Variants in PKD1L3 observed in about 807,000 individuals in gnomAD.
PKD1L3 encodes the protein polycystin-1-like protein 3.
In PKD1L3, 239 loss-of-function variants were observed where a neutral mutation model predicts 184.1. That is an observed-to-expected ratio of 1.30 (90% CI 1.17 to 1.45). PKD1L3 has a LOEUF of 1.45. PKD1L3 is among the 40% of genes most tolerant of loss of function. PKD1L3 has a pLI of 0.00. For synonymous variants in PKD1L3, 996 were observed against 778.8 expected, an observed-to-expected ratio of 1.28 and a Z score of -4.64; for missense variants, 2,660 against 2,067.2, an observed-to-expected ratio of 1.29 and a Z score of -5.56.
At chr16:71,994,040 G>T (rs1567556406) in intron 2 of PKD1L3, among the ~76,000 whole-genome samples, 1 of 152,172 alleles carries the variant, frequency 6.6e-6, no homozygotes, top group Non-Finnish European at 1.5e-5. Flanking sequence ...AAAGTGCTAG[G>T]ATTACAGGTG....
At position 71,952,969 on chromosome 16, in the gene PKD1L3, G is replaced by A. The variant is rs1245300577; in HGVS notation, c.2934C>T (p.Pro978=). 6.5e-7 allele frequency: 1 copy of A among 1,550,314 alleles called. No individual in the cohort carries two copies. Among genetic ancestry groups the A allele is most frequent in the Non-Finnish European group, 8.7e-7 (1 of 1,146,470 alleles). The change falls in exon 18 of 30, where the codon CCC becomes CCT. Residue 978 remains proline (P), a synonymous_variant. Transcript: ENST00000620267. ...FPLIEPQETL[P]LFPPIQASCL... ...AGGAGGCCTGGATGGGAGGAAAGAG[G>A]GGCAGAGTCTCCTGTGGCTCAATCA...
rs1189211937 is a variant in PKD1L3 at position 71,953,013 on chromosome 16, T to C, written c.2890A>G (p.Ile964Val). The C allele has an allele frequency of 1.4e-5, 21 of 1,548,832 alleles. No individual in the cohort carries two copies. The East Asian group carries it at 5.2e-4, about 38-fold the overall frequency. Residue 964 changes from isoleucine (I) to valine (V), a missense_variant, in exon 18 of 30, where the codon ATA (isoleucine) becomes GTA (valine). Physicochemically the swap from Ile to Val is conservative, Grantham distance 29. Coordinates refer to ENST00000620267, the MANE Select transcript of PKD1L3 (RefSeq NM_181536.2). ...TCAATCAACGGGAAGAGCCGCCCTA[T>C]GACAAGATTGATTGGGAAGAGGATG... ...AVILFPINLV[I>V]GRLFPLIEPQ...
At position 71,947,585 on chromosome 16, in the gene PKD1L3, A is replaced by C. The variant is rs866446378; in HGVS notation, c.3625T>G (p.Phe1209Val). ...IFISQPVKVV[F>V]FTFLYSLMMS... Reference sequence around the variant, plus strand: ...ATCAGTGAGTATAAGAATGTGAAGAAGACCACCTGGGCAGGAGAATCACAG... The same window carrying C: ...ATCAGTGAGTATAAGAATGTGAAGACGACCACCTGGGCAGGAGAATCACAG... Residue 1209 changes from phenylalanine (F) to valine (V), a missense_variant, in exon 22 of 30, where the codon TTC becomes GTC. Coordinates refer to ENST00000620267, the MANE Select transcript of PKD1L3 (RefSeq NM_181536.2). The C allele has an allele frequency of 9.8e-6, 15 of 1,537,234 alleles. No homozygotes were observed. The highest frequency in any genetic ancestry group is 7.2e-5 in the South Asian group (6 of 83,718).
intron 21 of PKD1L3, among the ~76,000 whole-genome samples, chr16:71,948,280 G>C (rs888890643): frequency 6.6e-6 from 1 of 152,042 alleles, no homozygotes; most frequent in Admixed American, 6.6e-5. Context: ...ACACGGTTTC[G>C]CCATGTTGGC....
At chr16:71,953,465 A>G (rs2038927436) in intron 17 of PKD1L3, among the ~76,000 whole-genome samples, 1 of 152,064 alleles carries the variant, frequency 6.6e-6, no homozygotes, top group South Asian at 2.1e-4. Flanking sequence ...AGAGGAAGCA[A>G]GAAACCTTAC....
Position 71,975,256 on chromosome 16 carries a change from C to T in PKD1L3, c.1760-1739G>A, listed in dbSNP as rs369243966. Among the ~76,000 whole-genome samples, 29 of 149,984 alleles carry T rather than the reference C, an allele frequency of 1.9e-4. 1 individual carries two copies. Among genetic ancestry groups the T allele is most frequent in the Admixed American group, 1.0e-3 (15 of 14,994 alleles). Reference sequence around the variant, plus strand: ...TTTTTTTTGTGGAGACAGAGTCTCGCTCTGTTGCCCAGGCTAGTCTCAAAT... The same window carrying T: ...TTTTTTTTGTGGAGACAGAGTCTCGTTCTGTTGCCCAGGCTAGTCTCAAAT... On this transcript the variant is annotated intron_variant, in intron 11 of 29. Coordinates refer to ENST00000620267, the MANE Select transcript of PKD1L3 (RefSeq NM_181536.2).
intron 2 of PKD1L3, among the ~76,000 whole-genome samples, chr16:71,995,938 C>T (rs2040768911): frequency 6.6e-6 from 1 of 152,144 alleles, no homozygotes. Flanking sequence ...TTATGCCAAT[C>T]TGATAGGTGG....
At chr16:71,989,078 A>G (rs1197478913) in intron 4 of PKD1L3, among the ~76,000 whole-genome samples, 1 of 152,148 alleles carries the variant, frequency 6.6e-6, no homozygotes, top group Admixed American at 6.6e-5. Context: ...AGAGTGGCAT[A>G]TTTTTATCTC....
chr16:71,963,573 G>C (rs1567519376), intron 15 of PKD1L3, among the ~76,000 whole-genome samples: 1 of 152,152 alleles, frequency 6.6e-6, no homozygotes, highest in African/African-American at 2.4e-5. Context: ...CTTGAGCTCA[G>C]GCATTTGAGC....
chr16:71,973,562 A>C (rs1360998288), intron 11 of PKD1L3, 45 bp from the exon 12 acceptor site: 1 of 1,478,306 alleles, frequency 6.8e-7, no homozygotes, highest in Non-Finnish European at 9.2e-7. Context: ...AATGGAACAA[A>C]AACACCAATG....
chr16:71,958,433 T>C (rs2039134304), intron 16 of PKD1L3, among the ~76,000 whole-genome samples: 1 of 148,562 alleles, frequency 6.7e-6, no homozygotes, highest in African/African-American at 2.5e-5. Context: ...TCATTAGAAC[T>C]ATTAAAAGAG....
At chr16:71,993,465 G>A in intron 2 of PKD1L3, 133 bp from the exon 3 acceptor site, 1 of 613,384 alleles carries the variant, frequency 1.6e-6, no homozygotes, top group South Asian at 2.2e-5. Context: ...GTTTTTTAAG[G>A]ACACTAAGAA....
chr16:71,964,959 G>A (rs933565946), intron 15 of PKD1L3, among the ~76,000 whole-genome samples: 6 of 150,900 alleles, frequency 4.0e-5, no homozygotes, highest in Admixed American at 1.3e-4. Context: ...TGATTCTCCC[G>A]CCTCAGCCCC....
chr16:71,953,766 C>G (rs1302691157), intron 17 of PKD1L3, among the ~76,000 whole-genome samples: 1 of 152,180 alleles, frequency 6.6e-6, no homozygotes, highest in African/African-American at 2.4e-5. Context: ...CCCCCATGAT[C>G]CAGTCACCTC....
intron 2 of PKD1L3, among the ~76,000 whole-genome samples, chr16:71,994,717 G>A (rs919391699): frequency 1.3e-5 from 2 of 152,116 alleles, no homozygotes; most frequent in African/African-American, 4.8e-5. Flanking sequence ...AATGTTAACA[G>A]GCTGGGTGTG....
In PKD1L3 at chr16:71,963,369, T is replaced by A. The variant is rs1445506651; in HGVS notation, c.2466-18A>T. ...TGACATACCTATAGTAAAATGAAGA[T>A]AACCACATTAGGGAGATGGGCTTGA... On this transcript the variant is annotated intron_variant, in intron 15 of 29. Coordinates refer to ENST00000620267, the MANE Select transcript of PKD1L3 (RefSeq NM_181536.2). 6.5e-6 allele frequency: 10 copies of A among 1,540,368 alleles called. No individual in the cohort carries two copies.
At chr16:71,961,995 G>A (rs1237583093) in intron 16 of PKD1L3, among the ~76,000 whole-genome samples, 1 of 152,166 alleles carries the variant, frequency 6.6e-6, no homozygotes. Flanking sequence ...CTGTATCTCG[G>A]CTCACTGCAA....
At chr16:71,943,050 C>T in intron 23 of PKD1L3, 26 bp from the exon 24 acceptor site, 1 of 1,488,232 alleles carries the variant, frequency 6.7e-7, no homozygotes, top group South Asian at 1.2e-5. Flanking sequence ...AAAAAAATGT[C>T]ATAGTTGAGT....
intron 15 of PKD1L3, among the ~76,000 whole-genome samples, chr16:71,964,398 G>GTGTGATCT (rs2039414319): frequency 8.2e-6 from 1 of 122,606 alleles, no homozygotes; most frequent in East Asian, 2.6e-4. Flanking sequence ...GAGTGCAGTG[G>GTGTGATCT]TGTGATCTTG....
Sources: allele counts gnomAD v4.1 joint callset (sites outside exome capture counted in the v4.1 genomes callset), GRCh38; gene constraint gnomAD v4.1.1; transcripts MANE v1.5; gene names NCBI Gene and HGNC (gene_info 2026-07-23, HGNC 2026-07-21).